ZBTB20: variants seen among roughly 807,000 people sequenced by gnomAD.
ZBTB20 encodes the protein zinc finger and BTB domain containing 20.
A neutral mutation model predicts 56.9 loss-of-function variants in ZBTB20; 9 were observed. That is an observed-to-expected ratio of 0.16 (90% confidence interval 0.10 to 0.28). ZBTB20 has a LOEUF of 0.28. ZBTB20 is among the 10% of genes least tolerant of loss of function. The pLI is 1.00. For synonymous variants in ZBTB20, 417 were observed against 420.7 expected (o/e 0.99, Z 0.11); for missense variants, 655 against 1,003.0 (o/e 0.65, Z 4.69).
At chr3:114,922,803 T>C (rs529933956) in intron 3 of ZBTB20, among the ~76,000 whole-genome samples, 16 of 83,380 alleles carry the variant, frequency 1.9e-4, no homozygotes, top group South Asian at 5.5e-4. Context: ...TGGGAACCAA[T>C]AGAGAAAGAA....
At chr3:115,058,656 G>A (rs758578569) in intron 2 of ZBTB20, among the ~76,000 whole-genome samples, 3 of 152,124 alleles carry the variant, frequency 2.0e-5, no homozygotes, top group Non-Finnish European at 4.4e-5. Context: ...TTGAACCCAG[G>A]AGGCAGAGGT....
intron 4 of ZBTB20, among the ~76,000 whole-genome samples, chr3:114,835,774 T>C (rs936311806): frequency 6.6e-6 from 1 of 152,202 alleles, no homozygotes; most frequent in Non-Finnish European, 1.5e-5. Context: ...CAGGCACTGA[T>C]GTTTGCCCAG....
intron 10 of ZBTB20, among the ~76,000 whole-genome samples, chr3:114,369,874 G>A (rs375569866): frequency 2.0e-5 from 3 of 152,202 alleles, no homozygotes; most frequent in Non-Finnish European, 4.4e-5. Flanking sequence ...TTTAAAAATT[G>A]TTAAGATGAT....
At chr3:114,370,280 T>G (rs2082858912) in intron 10 of ZBTB20, among the ~76,000 whole-genome samples, 1 of 152,236 alleles carries the variant, frequency 6.6e-6, no homozygotes. Context: ...CATTATTTCT[T>G]TTTAAAACAT....
chr3:115,042,513 G>C (rs900317944), intron 2 of ZBTB20, among the ~76,000 whole-genome samples: 1 of 152,106 alleles, frequency 6.6e-6, no homozygotes, highest in Non-Finnish European at 1.5e-5. Context: ...AAAGTATCCA[G>C]TGTATTTTCC....
At chr3:115,090,335 T>C (rs2083140325) in intron 1 of ZBTB20, among the ~76,000 whole-genome samples, 1 of 151,846 alleles carries the variant, frequency 6.6e-6, no homozygotes, top group South Asian at 2.1e-4. Flanking sequence ...GACTAGAATA[T>C]AGTAAGATAA....
intron 1 of ZBTB20, among the ~76,000 whole-genome samples, chr3:115,105,150 A>G (rs2083685485): frequency 6.6e-6 from 1 of 152,256 alleles, no homozygotes. Context: ...TATGCTAAAA[A>G]TAACAAATTT....
chr3:115,132,251 T>A (rs534031603), intron 1 of ZBTB20, among the ~76,000 whole-genome samples: 29 of 152,314 alleles, frequency 1.9e-4, no homozygotes, highest in African/African-American at 6.5e-4. Flanking sequence ...CTTGAAAAAC[T>A]TATTAATAGG....
intron 4 of ZBTB20, among the ~76,000 whole-genome samples, chr3:114,878,951 C>T (rs2076297885): frequency 6.6e-6 from 1 of 152,102 alleles, no homozygotes; most frequent in Non-Finnish European, 1.5e-5. Context: ...GACATAAGGG[C>T]AAACTGAAAA....
At chr3:115,064,253 C>A (rs188614873) in intron 2 of ZBTB20, among the ~76,000 whole-genome samples, 8 of 152,180 alleles carry the variant, frequency 5.3e-5, no homozygotes, top group Non-Finnish European at 8.8e-5. Context: ...AACCCTCTAT[C>A]TTGGTCTTTT....
chr3:115,115,188 T>C (rs2083985738), intron 1 of ZBTB20, among the ~76,000 whole-genome samples: 1 of 152,128 alleles, frequency 6.6e-6, no homozygotes, highest in African/African-American at 2.4e-5. Flanking sequence ...GTGACTTCAA[T>C]TTATTTGTTA....
At chr3:114,625,756 AC>A (rs1302410545) in intron 6 of ZBTB20, among the ~76,000 whole-genome samples, 1 of 152,140 alleles carries the variant, frequency 6.6e-6, no homozygotes, top group East Asian at 1.9e-4. Flanking sequence ...GCTCCCACTA[AC>A]AGGACTTCAA....
intron 2 of ZBTB20, among the ~76,000 whole-genome samples, chr3:115,027,737 C>T (rs563343748): frequency 6.6e-6 from 1 of 150,842 alleles, no homozygotes; most frequent in African/African-American, 2.4e-5. Context: ...TGTCAAAATA[C>T]TGTTACAGAT....
At chr3:114,967,013 C>T (rs1047947085) in intron 3 of ZBTB20, among the ~76,000 whole-genome samples, 4 of 152,042 alleles carry the variant, frequency 2.6e-5, no homozygotes, top group African/African-American at 9.7e-5. Context: ...AAACACATCA[C>T]GCTAGTTTTA....
intron 7 of ZBTB20, among the ~76,000 whole-genome samples, chr3:114,440,243 C>A (rs771709441): frequency 1.3e-5 from 2 of 152,052 alleles, no homozygotes; most frequent in Non-Finnish European, 2.9e-5. Flanking sequence ...CTTAGCAATA[C>A]TGCTGTGAAG....
intron 5 of ZBTB20, among the ~76,000 whole-genome samples, chr3:114,742,893 T>C (rs182124634): frequency 2.0e-5 from 3 of 152,246 alleles, no homozygotes; most frequent in East Asian, 3.9e-4. Context: ...TAAAGAAGAA[T>C]TGTTGGGTGT....
chr3:115,146,024 G>C (rs748859170), intron 1 of ZBTB20, among the ~76,000 whole-genome samples: 1 of 152,154 alleles, frequency 6.6e-6, no homozygotes, highest in East Asian at 1.9e-4. Context: ...AAAAACAGTG[G>C]AGAAGATTTT....
At chr3:114,838,547 T>TG (rs373240278) in intron 4 of ZBTB20, among the ~76,000 whole-genome samples, 3,284 of 151,526 alleles carry the variant, frequency 0.022, 117 homozygotes, top group African/African-American at 0.063. Context: ...ATGGTGTGAC[T>TG]GGGGGGGGAA....
chr3:114,663,647 T>G (rs2060880641), intron 6 of ZBTB20, among the ~76,000 whole-genome samples: 2 of 150,536 alleles, frequency 1.3e-5, no homozygotes, highest in East Asian at 1.9e-4. Context: ...GAAACCCATC[T>G]CACGTGCAGA....
Sources: allele counts gnomAD v4.1 joint callset (sites outside exome capture counted in the v4.1 genomes callset), GRCh38; gene constraint gnomAD v4.1.1; transcripts MANE v1.5; gene names NCBI Gene and HGNC (gene_info 2026-07-23, HGNC 2026-07-21).